CYB5A: variants seen among roughly 807,000 people sequenced by gnomAD.
CYB5A encodes cytochrome b5 type A.
Under a neutral mutation model 16.2 loss-of-function variants are expected in CYB5A, and 10 were observed. That is an observed-to-expected ratio of 0.62 (90% confidence interval 0.38 to 1.04). CYB5A has a LOEUF of 1.04. CYB5A is among the 50% of genes least tolerant of loss of function. The probability of loss-of-function intolerance (pLI) is 0.01; values close to 1 mark genes in which losing one functional copy is unlikely to be tolerated. For synonymous variants in CYB5A, 62 were observed against 57.0 expected (o/e 1.09, Z -0.40); for missense variants, 161 against 165.9 (o/e 0.97, Z 0.16).
intron 3 of CYB5A, chr18:74,256,839 C>T (rs189941855): frequency 2.5e-6 from 4 of 1,613,956 alleles, no homozygotes; most frequent in East Asian, 4.5e-5. Flanking sequence ...CCTTGAAACA[C>T]CGCCTTTAAG....
At chr18:74,291,261 C>A (rs1306209433) in intron 1 of CYB5A, among the ~76,000 whole-genome samples, 1 of 152,256 alleles carries the variant, frequency 6.6e-6, no homozygotes, top group Non-Finnish European at 1.5e-5. Flanking sequence ...AGAAAGGGAT[C>A]ATTTAAATCC....
intron 1 of CYB5A, among the ~76,000 whole-genome samples, chr18:74,269,953 A>G (rs1982607457): frequency 6.6e-6 from 1 of 152,188 alleles, no homozygotes; most frequent in Non-Finnish European, 1.5e-5. Context: ...GCAGAGGTAG[A>G]AGATAAAGTA....
intron 1 of CYB5A, among the ~76,000 whole-genome samples, chr18:74,272,683 C>T (rs566880604): frequency 6.6e-6 from 1 of 152,218 alleles, no homozygotes; most frequent in African/African-American, 2.4e-5. Context: ...CTTTGGGAGG[C>T]CGAGGTGGGC....
chr18:74,262,629 T>C (rs965805692), intron 2 of CYB5A, among the ~76,000 whole-genome samples: 1 of 152,198 alleles, frequency 6.6e-6, no homozygotes, highest in African/African-American at 2.4e-5. Context: ...AGCTCCGTTT[T>C]TATATTTTTT....
Position 74,252,058 on chromosome 18 carries a change from TAAC to T in CYB5A, c.*1523_*1525del, listed in dbSNP as rs1599241103. The T allele has an allele frequency of 6.6e-6, 1 of 152,218 alleles. No individual in the cohort carries two copies. The highest frequency in any genetic ancestry group is 2.4e-5 in the African/African-American group (1 of 41,454). 9.4% of individuals were successfully genotyped at this position (152,218 alleles called of 1,614,324 possible). On this transcript the variant is annotated 3_prime_UTR_variant, in exon 5 of 5. Transcript: ENST00000340533. Reference sequence around the variant, plus strand: ...TATTGAAATATTTACATAGGTCCCTTAACAAGTGTTGTAATTTATTTTGAAATA... The same window carrying T: ...TATTGAAATATTTACATAGGTCCCTTAAGTGTTGTAATTTATTTTGAAATA...
At chr18:74,275,229 A>C (rs1982824212) in intron 1 of CYB5A, among the ~76,000 whole-genome samples, 1 of 152,082 alleles carries the variant, frequency 6.6e-6, no homozygotes, top group Admixed American at 6.6e-5. Context: ...TAATACTTAA[A>C]ACTCTGAGCT....
At chr18:74,283,430 T>G (rs1432408829) in intron 1 of CYB5A, among the ~76,000 whole-genome samples, 3 of 152,150 alleles carry the variant, frequency 2.0e-5, no homozygotes, top group Non-Finnish European at 4.4e-5. Context: ...ACTGAGGCCG[T>G]GAAGACTCCA....
At position 74,271,108 on chromosome 18, in the gene CYB5A, A is replaced by G. The variant is rs60712220; in HGVS notation, c.130-7631T>C. Among the ~76,000 whole-genome samples the G allele has an allele frequency of 6.5e-3, 983 of 152,306 alleles. 8 individuals are homozygous for G. Among genetic ancestry groups the G allele is most frequent in the African/African-American group, 0.022 (930 of 41,554 alleles). On this transcript the variant is annotated intron_variant, in intron 1 of 4. Coordinates refer to ENST00000340533, the MANE Select transcript of CYB5A (RefSeq NM_148923.4). ...TAACAGTTCTTCCCATTCAGATCAC[A>G]TGATTTTGTACTTAACTGCTGTCTG... is the stretch of plus-strand genomic sequence containing the variant.
chr18:74,275,533 C>A (rs1982837082), intron 1 of CYB5A, among the ~76,000 whole-genome samples: 1 of 152,180 alleles, frequency 6.6e-6, no homozygotes, highest in Non-Finnish European at 1.5e-5. Flanking sequence ...AAACTCCTGT[C>A]CCGCTTAAGC....
At chr18:74,285,843 CAAAAAAA>C (rs58176740) in intron 1 of CYB5A, among the ~76,000 whole-genome samples, 51 of 70,878 alleles carry the variant, frequency 7.2e-4, no homozygotes, top group East Asian at 2.6e-3. Context: ...GACCCCATCT[CAAAAAAA>C]AAAAAAAAAA....
intron 1 of CYB5A, among the ~76,000 whole-genome samples, chr18:74,281,209 T>A (rs1983088353): frequency 6.6e-6 from 1 of 152,114 alleles, no homozygotes; most frequent in South Asian, 2.1e-4. Flanking sequence ...TCTGCTGAGA[T>A]GGGGACATGC....
At chr18:74,256,613 C>T in intron 3 of CYB5A, 1 of 559,806 alleles carries the variant, frequency 1.8e-6, no homozygotes, top group Non-Finnish European at 3.2e-6. Context: ...TGATGTTCCA[C>T]ACCAACATAA....
chr18:74,286,489 T>G (rs1265235173), intron 1 of CYB5A, among the ~76,000 whole-genome samples: 1 of 152,234 alleles, frequency 6.6e-6, no homozygotes, highest in African/African-American at 2.4e-5. Flanking sequence ...ATATAGTCAC[T>G]TAAATGCCTT....
At chr18:74,256,933 C>T (rs755124385) in intron 3 of CYB5A, 14 of 1,251,200 alleles carry the variant, frequency 1.1e-5, no homozygotes, top group Non-Finnish European at 1.6e-5. Flanking sequence ...ATTTTAAAAT[C>T]TTAGCATCTA....
intron 3 of CYB5A, chr18:74,260,291 G>C (rs899749398): frequency 2.6e-5 from 4 of 154,802 alleles, no homozygotes; most frequent in African/African-American, 9.7e-5. Context: ...GTACTTTTCA[G>C]GAACTTAGGC....
At chr18:74,279,701 T>C (rs995442476) in intron 1 of CYB5A, among the ~76,000 whole-genome samples, 1 of 152,232 alleles carries the variant, frequency 6.6e-6, no homozygotes, top group African/African-American at 2.4e-5. Context: ...CTTTCATGTT[T>C]AATCATAATA....
chr18:74,265,201 A>G (rs1982386322), intron 1 of CYB5A, among the ~76,000 whole-genome samples: 1 of 152,204 alleles, frequency 6.6e-6, no homozygotes, highest in Non-Finnish European at 1.5e-5. Context: ...AGTGCTAAGG[A>G]CATCCACTCT....
At chr18:74,281,053 T>C (rs141352276) in intron 1 of CYB5A, among the ~76,000 whole-genome samples, 4 of 151,638 alleles carry the variant, frequency 2.6e-5, no homozygotes, top group Non-Finnish European at 4.4e-5. Flanking sequence ...GCAGTAGACA[T>C]GGTAAAAAAT....
Position 74,286,505 on chromosome 18 carries a change from C to T in CYB5A, c.129+5242G>A, listed in dbSNP as rs1983325303. Among the ~76,000 whole-genome samples, 12 of 152,324 alleles carry T rather than the reference C, an allele frequency of 7.9e-5. No homozygotes were observed. The South Asian group carries it at 2.5e-3, about 32-fold the overall frequency. On this transcript the variant is annotated intron_variant, in intron 1 of 4. Coordinates refer to ENST00000340533, the MANE Select transcript of CYB5A (RefSeq NM_148923.4). ...TATAGTCACTTAAATGCCTTCTCTA[C>T]ATATTTTTTCCAGTGTTCTCACATA...
Sources: gnomAD v4.1 joint callset for allele counts (sites outside exome capture counted in the v4.1 genomes callset) on GRCh38, gnomAD v4.1.1 for gene constraint, MANE v1.5 for transcripts, NCBI Gene and HGNC (gene_info 2026-07-23, HGNC 2026-07-21) for gene names.